Variants in MAGI2 observed in about 807,000 individuals in gnomAD.
MAGI2 encodes membrane-associated guanylate kinase, WW and PDZ domain-containing protein 2.
In MAGI2, 35 loss-of-function variants were observed where a neutral mutation model predicts 133.3. The observed-to-expected ratio is 0.26, with a 90% CI of 0.20 to 0.35. The LOEUF (loss-of-function observed/expected upper bound fraction) is 0.35. Among genes scored for constraint, MAGI2 ranks in the 10% least tolerant of loss-of-function variants. MAGI2 has a pLI of 1.00. For missense variants in MAGI2, 1,636 were observed against 1,863.4 expected (o/e 0.88, Z 2.25); for synonymous variants, 729 against 710.6 (o/e 1.03, Z -0.41).
rs576905673 is a variant in MAGI2 at position 79,007,932 on chromosome 7, G to A, written c.302-726C>T. ...CTTTTTTCAATTCAAACAATTTTGC[G>A]ACTGTTTGACCTTATAATCTAATAA... On this transcript the variant is annotated intron_variant, in intron 1 of 21. Coordinates refer to ENST00000354212, the MANE Select transcript of MAGI2 (RefSeq NM_012301.4). 3.4e-4 allele frequency among the ~76,000 whole-genome samples: 52 copies of A among 151,588 alleles called. 2 individuals are homozygous for A. The South Asian group carries it at 0.01, about 30-fold the overall frequency.
chr7:78,732,076 A>C (rs1284286350), intron 2 of MAGI2, among the ~76,000 whole-genome samples: 3 of 152,184 alleles, frequency 2.0e-5, no homozygotes, highest in African/African-American at 4.8e-5. Context: ...AGAGAAAAGA[A>C]AAGAAAAGAA....
chr7:78,937,685 A>T (rs533996515), intron 2 of MAGI2, among the ~76,000 whole-genome samples: 1 of 152,258 alleles, frequency 6.6e-6, no homozygotes, highest in Admixed American at 6.5e-5. Flanking sequence ...ATTATTTAGT[A>T]GTTACAGTGC....
chr7:78,126,647 A>G (rs1457320007), intron 19 of MAGI2, among the ~76,000 whole-genome samples: 1 of 152,250 alleles, frequency 6.6e-6, no homozygotes, highest in Non-Finnish European at 1.5e-5. Context: ...AAATAATCAT[A>G]ACAACAGTGA....
intron 1 of MAGI2, among the ~76,000 whole-genome samples, chr7:79,190,009 G>A (rs1454264341): frequency 1.3e-5 from 2 of 151,570 alleles, no homozygotes; most frequent in African/African-American, 4.9e-5. Flanking sequence ...ACCACAGTTT[G>A]TTCATATATT....
chr7:79,035,189 A>AGT (rs71531161), intron 1 of MAGI2, among the ~76,000 whole-genome samples: 3,493 of 126,162 alleles, frequency 0.028, 46 homozygotes, highest in Middle Eastern at 0.065. Context: ...CACAAAAAAA[A>AGT]GTGTGTGTGT....
At chr7:78,703,135 G>GA (rs1372623777) in intron 2 of MAGI2, among the ~76,000 whole-genome samples, 1 of 151,842 alleles carries the variant, frequency 6.6e-6, no homozygotes, top group African/African-American at 2.4e-5. Flanking sequence ...AGAAAATAAA[G>GA]TTTAAAAAAA....
chr7:78,251,117 A>G (rs928784027), intron 10 of MAGI2, among the ~76,000 whole-genome samples: 1 of 152,210 alleles, frequency 6.6e-6, no homozygotes, highest in South Asian at 2.1e-4. Context: ...ACCATTATTA[A>G]TAAAGGACAA....
At chr7:78,478,148 C>T (rs13224634) in intron 6 of MAGI2, among the ~76,000 whole-genome samples, 21,489 of 151,504 alleles carry the variant, frequency 0.14, 1,812 homozygotes, top group South Asian at 0.21. Context: ...TGTTCAACTC[C>T]CACTTATGAG....
chr7:79,124,763 C>G (rs548177822), intron 1 of MAGI2: 1 of 159,046 alleles, frequency 6.3e-6, no homozygotes, highest in Non-Finnish European at 1.4e-5. Flanking sequence ...GCCTGAAAAC[C>G]TGTAGAAGCT....
chr7:79,227,329 G>A (rs867440922), intron 1 of MAGI2, among the ~76,000 whole-genome samples: 5 of 152,058 alleles, frequency 3.3e-5, no homozygotes, highest in South Asian at 2.1e-4. Flanking sequence ...CTCTCCATGC[G>A]GAGTGTTGTT....
rs573061102 is a variant in MAGI2 at position 78,739,884 on chromosome 7, C to T, written c.419-112645G>A. On this transcript the variant is annotated intron_variant, in intron 2 of 21. Transcript: ENST00000354212. ...AAGCGTGTATGATAACCTGGCCAGG[C>T]GCGGTGGCTCACGCCTGTAATCCCA... is the stretch of plus-strand genomic sequence containing the variant. Among the ~76,000 whole-genome samples the T allele has an allele frequency of 3.5e-4, 54 of 152,244 alleles. No homozygotes were observed. In the South Asian group the frequency reaches 4.6e-3, roughly 13 times the overall value.
intron 3 of MAGI2, among the ~76,000 whole-genome samples, chr7:78,573,098 G>C: frequency 9.7e-6 from 1 of 102,594 alleles, no homozygotes; most frequent in Admixed American, 1.2e-4. Flanking sequence ...CACACACGGA[G>C]AGATATACAT....
In MAGI2 at chr7:78,484,148, A is replaced by G. The variant is rs191456414; in HGVS notation, c.1045+5613T>C. 501 of 152,050 alleles carry G rather than the reference A, an allele frequency of 3.3e-3. 5 individuals carry two copies. The highest frequency in any genetic ancestry group is 0.012 in the African/African-American group (480 of 41,542). 9.4% of individuals were successfully genotyped at this position (152,050 alleles called of 1,614,324 possible). A position where few individuals can be genotyped will look rare whatever the true frequency, so the allele number is the denominator to read the frequency against. On this transcript the variant is annotated intron_variant, in intron 6 of 21. Coordinates refer to ENST00000354212, the MANE Select transcript of MAGI2 (RefSeq NM_012301.4). ...TCTGAAATATGAACACAAAAGTATG[A>G]ATCTTTTAATCTGTGTGTCAGTTTT...
At chr7:79,406,334 A>C (rs1845807178) in intron 1 of MAGI2, among the ~76,000 whole-genome samples, 1 of 152,094 alleles carries the variant, frequency 6.6e-6, no homozygotes, top group Non-Finnish European at 1.5e-5. Context: ...GTGAAGTGTT[A>C]ATTTTGCATT....
chr7:78,360,138 A>G (rs1478453181), intron 7 of MAGI2, among the ~76,000 whole-genome samples: 2 of 152,226 alleles, frequency 1.3e-5, no homozygotes, highest in Non-Finnish European at 2.9e-5. Flanking sequence ...CCAAAGAATA[A>G]TATCAGTCTG....
intron 1 of MAGI2, among the ~76,000 whole-genome samples, chr7:79,145,335 A>G (rs1338093839): frequency 1.3e-5 from 2 of 152,176 alleles, no homozygotes; most frequent in Non-Finnish European, 2.9e-5. Context: ...TCTCTAATAC[A>G]TCATGTATTA....
intron 21 of MAGI2, 140 bp downstream of exon 21, chr7:78,078,807 T>G: frequency 1.3e-6 from 1 of 783,694 alleles, no homozygotes; most frequent in Non-Finnish European, 2.2e-6. Flanking sequence ...TGTGTGTGTG[T>G]GTGTGTATAT....
intron 10 of MAGI2, among the ~76,000 whole-genome samples, chr7:78,211,993 C>T (rs901376500): frequency 1.8e-4 from 27 of 152,162 alleles, no homozygotes; most frequent in African/African-American, 6.5e-4. Context: ...ATAGACTGTG[C>T]CTCCAGCTTC....
chr7:78,649,495 A>G (rs1310825600), intron 2 of MAGI2, among the ~76,000 whole-genome samples: 3 of 152,164 alleles, frequency 2.0e-5, no homozygotes, highest in East Asian at 1.9e-4. Context: ...AAAGTTGTTC[A>G]GATCCAAATC....
Sources: allele counts gnomAD v4.1 joint callset (sites outside exome capture counted in the v4.1 genomes callset), GRCh38; gene constraint gnomAD v4.1.1; transcripts MANE v1.5; gene names NCBI Gene and HGNC (gene_info 2026-07-23, HGNC 2026-07-21).